The following VPS36 variants were observed in gnomAD, a reference collection of about 807,000 sequenced individuals.
VPS36 encodes vacuolar protein-sorting-associated protein 36.
A neutral mutation model predicts 63.5 loss-of-function variants in VPS36; 31 were observed. The ratio of observed to expected loss-of-function variants is 0.49; its 90% confidence interval spans 0.37 to 0.66. VPS36 has a LOEUF of 0.66. VPS36 is among the 30% of genes least tolerant of loss of function. The pLI is 0.00. For synonymous variants in VPS36, 138 were observed against 157.2 expected (o/e 0.88, Z 0.91); for missense variants, 338 against 463.7 (o/e 0.73, Z 2.49).
intron 12 of VPS36, 99 bp from the exon 13 acceptor site, chr13:52,416,192 A>G: frequency 9.1e-7 from 1 of 1,102,732 alleles, no homozygotes; most frequent in Non-Finnish European, 1.3e-6. Flanking sequence ...ATACCAGTAT[A>G]TGCAAGAAAT....
intron 1 of VPS36, among the ~76,000 whole-genome samples, chr13:52,445,464 C>A (rs938350541): frequency 6.7e-6 from 1 of 148,714 alleles, no homozygotes; most frequent in Non-Finnish European, 1.5e-5. Flanking sequence ...ACGGTGAAAC[C>A]CCGTCTCTAC....
chr13:52,418,467 C>T (rs185414990), intron 10 of VPS36, among the ~76,000 whole-genome samples: 2 of 148,622 alleles, frequency 1.3e-5, no homozygotes, highest in African/African-American at 2.5e-5. Context: ...CCCAGCTACT[C>T]GAGAGGCTAA....
intron 5 of VPS36, 145 bp downstream of exon 5, chr13:52,434,648 G>T: frequency 2.5e-6 from 2 of 802,828 alleles, no homozygotes; most frequent in Non-Finnish European, 3.9e-6. Flanking sequence ...GTGAGCCACC[G>T]CGCCCTACCG....
At chr13:52,449,841 A>C in intron 1 of VPS36, 9 of 822,820 alleles carry the variant, frequency 1.1e-5, no homozygotes, top group Non-Finnish European at 1.2e-5. Flanking sequence ...ACTTTACAAA[A>C]CACGCTCAGA....
chr13:52,422,549 C>T (rs540068260), intron 10 of VPS36, among the ~76,000 whole-genome samples: 1 of 152,288 alleles, frequency 6.6e-6, no homozygotes, highest in East Asian at 1.9e-4. Flanking sequence ...TCCTCTCCCT[C>T]CCCCTAGTCT....
intron 1 of VPS36, among the ~76,000 whole-genome samples, chr13:52,445,638 C>CAAAAAAAAAAAAA (rs1260034533): frequency 6.3e-4 from 23 of 36,782 alleles, no homozygotes; most frequent in African/African-American, 1.8e-3. Context: ...GACTCCGTCT[C>CAAAAAAAAAAAAA]AAAAAAAAAA....
chr13:52,422,827 T>C (rs537018789), intron 10 of VPS36, among the ~76,000 whole-genome samples: 1 of 152,368 alleles, frequency 6.6e-6, no homozygotes, highest in African/African-American at 2.4e-5. Flanking sequence ...AATATCTTAA[T>C]TGCCCTGTGA....
chr13:52,439,531 T>C (rs982081559), intron 2 of VPS36, among the ~76,000 whole-genome samples: 17 of 152,194 alleles, frequency 1.1e-4, no homozygotes, highest in Admixed American at 4.6e-4. Flanking sequence ...CTGCAAGCTC[T>C]GCCTCCTGGG....
chr13:52,441,567 T>C (rs1031448635), intron 2 of VPS36, among the ~76,000 whole-genome samples: 1 of 152,098 alleles, frequency 6.6e-6, no homozygotes, highest in Non-Finnish European at 1.5e-5. Context: ...CCTGAACAAC[T>C]TGGCTAAACC....
intron 9 of VPS36, among the ~76,000 whole-genome samples, chr13:52,425,205 A>G (rs1958088692): frequency 6.8e-6 from 1 of 147,756 alleles, no homozygotes; most frequent in Admixed American, 6.9e-5. Flanking sequence ...GTGAGCTGAG[A>G]TTGCACCACT....
At chr13:52,426,161 C>A in intron 8 of VPS36, 95 bp from the exon 9 acceptor site, 1 of 1,453,406 alleles carries the variant, frequency 6.9e-7, no homozygotes, top group East Asian at 2.3e-5. Context: ...ATTATGTCTA[C>A]ATATCCCCAT....
At chr13:52,445,638 C>CAAAAAAAAAAAAAAAAAAAA (rs1260034533) in intron 1 of VPS36, among the ~76,000 whole-genome samples, 1 of 36,776 alleles carries the variant, frequency 2.7e-5, no homozygotes, top group African/African-American at 1.1e-4. Context: ...GACTCCGTCT[C>CAAAAAAAAAAAAAAAAAAAA]AAAAAAAAAA....
chr13:52,435,841 A>T (rs1461197715), intron 4 of VPS36: 3 of 152,764 alleles, frequency 2.0e-5, no homozygotes, highest in Non-Finnish European at 4.4e-5. Context: ...CAGAACATAC[A>T]AACTATTATA....
chr13:52,449,666 T>C (rs1318948073), intron 1 of VPS36, among the ~76,000 whole-genome samples: 1 of 152,244 alleles, frequency 6.6e-6, no homozygotes, highest in Non-Finnish European at 1.5e-5. Flanking sequence ...TTAAAATTTT[T>C]CTAATTCCAG....
At chr13:52,433,792 A>G in intron 5 of VPS36, 44 bp from the exon 6 acceptor site, 1 of 1,545,558 alleles carries the variant, frequency 6.5e-7, no homozygotes. Context: ...CAAAATAGGA[A>G]GGAAACAAAA....
rs145452207 is a variant in VPS36 at position 52,424,152 on chromosome 13, G to C, written c.775-513C>G. Reference sequence around the variant, plus strand: ...TGGGATTACAGGCGTGAGCCACTGTGCCTGGCCTCATTACCATTTTAACAT... The same window carrying C: ...TGGGATTACAGGCGTGAGCCACTGTCCCTGGCCTCATTACCATTTTAACAT... On this transcript the variant is annotated intron_variant, in intron 9 of 13. Transcript: ENST00000378060. Among the ~76,000 whole-genome samples the C allele has an allele frequency of 3.6e-3, 554 of 152,220 alleles. 2 individuals carry two copies. The highest frequency in any genetic ancestry group is 0.012 in the African/African-American group (498 of 41,532).
chr13:52,421,814 G>A (rs865921242), intron 10 of VPS36, among the ~76,000 whole-genome samples: 7 of 151,976 alleles, frequency 4.6e-5, no homozygotes, highest in South Asian at 2.1e-4. Context: ...GTGAGCTACC[G>A]TGCCCAGCCC....
intron 2 of VPS36, 59 bp downstream of exon 2, chr13:52,442,318 C>T (rs1455682010): frequency 6.7e-7 from 1 of 1,488,106 alleles, no homozygotes; most frequent in Non-Finnish European, 9.1e-7. Flanking sequence ...GAGACCCTGT[C>T]TCTAAAAAAT....
chr13:52,450,598 C>T lies in VPS36; in HGVS notation c.-4G>A, dbSNP rs1371739814. On this transcript the variant is annotated 5_prime_UTR_variant, in exon 1 of 14. Transcript: ENST00000378060. ...TGGTCCAAACGAAGCGGTCCATGGC[C>T]GCTGCCACCCAGCCCCGGCCCTCCG... The T allele has an allele frequency of 1.3e-6, 2 of 1,570,552 alleles. No individual in the cohort carries two copies. Among genetic ancestry groups the T allele is most frequent in the Admixed American group, 3.6e-5 (2 of 55,522 alleles).
Sources: allele counts gnomAD v4.1 joint callset (sites outside exome capture counted in the v4.1 genomes callset), GRCh38; gene constraint gnomAD v4.1.1; transcripts MANE v1.5; gene names NCBI Gene and HGNC (gene_info 2026-07-23, HGNC 2026-07-21).